Variants in KHDRBS2 observed in about 807,000 individuals in gnomAD.
KHDRBS2 encodes KH domain-containing, RNA-binding, signal transduction-associated protein 2.
A neutral mutation model predicts 44.3 loss-of-function variants in KHDRBS2; 26 were observed. That is an observed-to-expected ratio of 0.59 (90% CI 0.43 to 0.81). The LOEUF (loss-of-function observed/expected upper bound fraction) is 0.81, where lower values mean the gene tolerates loss of function less well. Ranked by LOEUF, KHDRBS2 falls within the 40% of genes least tolerant of loss-of-function variation. The pLI is 0.00. For synonymous variants in KHDRBS2, 194 were observed against 151.1 expected (o/e 1.28, Z -2.08); for missense variants, 476 against 433.1 (o/e 1.10, Z -0.88).
chr6:61,936,009 T>A (rs916505635), intron 4 of KHDRBS2, among the ~76,000 whole-genome samples: 2 of 152,088 alleles, frequency 1.3e-5, no homozygotes, highest in African/African-American at 4.8e-5. Context: ...TTCATGATTT[T>A]AAATTTTAAA....
At chr6:61,693,740 CAGTT>C (rs1767612385) in intron 8 of KHDRBS2, among the ~76,000 whole-genome samples, 1 of 152,052 alleles carries the variant, frequency 6.6e-6, no homozygotes. Flanking sequence ...TGCTTATGAG[CAGTT>C]AGTTCTCCTA....
chr6:62,282,014 A>G (rs1419768984), intron 1 of KHDRBS2, among the ~76,000 whole-genome samples: 1 of 152,218 alleles, frequency 6.6e-6, no homozygotes, highest in Non-Finnish European at 1.5e-5. Context: ...TGATTACGTT[A>G]ATCAAAAGAA....
chr6:61,893,819 A>G (rs1262595395), intron 6 of KHDRBS2, among the ~76,000 whole-genome samples: 1 of 152,162 alleles, frequency 6.6e-6, no homozygotes, highest in African/African-American at 2.4e-5. Context: ...TAATGGGTGC[A>G]GCACACCAAC....
At chr6:62,166,493 T>C (rs1156998385) in intron 2 of KHDRBS2, among the ~76,000 whole-genome samples, 1 of 152,080 alleles carries the variant, frequency 6.6e-6, no homozygotes, top group Non-Finnish European at 1.5e-5. Flanking sequence ...TAAAAGTTAC[T>C]CCTAATTTCT....
chr6:61,865,549 G>T (rs181408470), intron 6 of KHDRBS2, among the ~76,000 whole-genome samples: 2 of 151,008 alleles, frequency 1.3e-5, no homozygotes, highest in East Asian at 2.0e-4. Context: ...CTTCCCACTG[G>T]GTTCTTCCCA....
At chr6:62,165,046 T>C (rs969558522) in intron 2 of KHDRBS2, among the ~76,000 whole-genome samples, 1 of 151,874 alleles carries the variant, frequency 6.6e-6, no homozygotes, top group Non-Finnish European at 1.5e-5. Context: ...CAAATATTCA[T>C]ATACATTTAG....
intron 3 of KHDRBS2, among the ~76,000 whole-genome samples, chr6:62,022,014 T>TAC (rs1479012664): frequency 1.3e-4 from 20 of 148,684 alleles, no homozygotes; most frequent in African/African-American, 2.5e-4. Flanking sequence ...TATATATATA[T>TAC]ACACACACAC....
At chr6:61,928,929 AT>A (rs1809485756) in intron 4 of KHDRBS2, among the ~76,000 whole-genome samples, 1 of 152,026 alleles carries the variant, frequency 6.6e-6, no homozygotes, top group African/African-American at 2.4e-5. Flanking sequence ...TGTTATCATT[AT>A]TTTTTAAGAC....
chr6:62,019,251 C>T (rs1441278440), intron 3 of KHDRBS2, among the ~76,000 whole-genome samples: 1 of 151,954 alleles, frequency 6.6e-6, no homozygotes, highest in Non-Finnish European at 1.5e-5. Context: ...ATGTTAACTG[C>T]AGGTTTTGCA....
At chr6:61,718,151 T>A (rs1351233194) in intron 7 of KHDRBS2, among the ~76,000 whole-genome samples, 1 of 152,000 alleles carries the variant, frequency 6.6e-6, no homozygotes, top group Non-Finnish European at 1.5e-5. Context: ...ACAAAATGAT[T>A]GTTAGCTATT....
chr6:61,788,543 GA>G, intron 6 of KHDRBS2, among the ~76,000 whole-genome samples: 1 of 151,244 alleles, frequency 6.6e-6, no homozygotes, highest in Non-Finnish European at 1.5e-5. Flanking sequence ...TTTGGTTTTT[GA>G]AAAAGAGTTT....
rs186667096 is a variant in KHDRBS2, at chr6:62,160,392, G to C, written c.219+16793C>G. Among the ~76,000 whole-genome samples, 98 of 152,206 alleles carry C rather than the reference G, an allele frequency of 6.4e-4. 1 individual carries two copies. In the East Asian group the frequency reaches 0.016, roughly 25 times the overall value. On this transcript the variant is annotated intron_variant, in intron 2 of 8. Coordinates refer to ENST00000281156, the MANE Select transcript of KHDRBS2 (RefSeq NM_152688.4). ...TATCCAAAGAGTGGCTTTACATGAG[G>C]TAGGTCATTTTGTAAATATATGAGG...
chr6:62,145,003 C>T (rs1050445247), intron 2 of KHDRBS2, among the ~76,000 whole-genome samples: 33 of 152,078 alleles, frequency 2.2e-4, no homozygotes, highest in Middle Eastern at 3.4e-3. Flanking sequence ...ACTGCTGGTT[C>T]CCTTTCAATT....
the KHDRBS2 span, among the ~76,000 whole-genome samples, chr6:61,608,601 C>A: frequency 3.0e-4 from 46 of 151,916 alleles, no homozygotes; most frequent in African/African-American, 1.0e-3. Context: ...CCCCCACCCC[C>A]CAACAGGCCC....
intron 6 of KHDRBS2, among the ~76,000 whole-genome samples, chr6:61,780,974 G>A (rs1782842066): frequency 6.6e-6 from 1 of 152,008 alleles, no homozygotes; most frequent in Admixed American, 6.6e-5. Context: ...AGTTTAATTT[G>A]TTATAAAAGA....
intron 1 of KHDRBS2, among the ~76,000 whole-genome samples, chr6:62,226,884 T>C (rs73487027): frequency 0.035 from 5,387 of 152,256 alleles, 316 homozygotes; most frequent in African/African-American, 0.12. Flanking sequence ...TTGGTCTGTA[T>C]GTCAGTTTTG....
chr6:62,045,159 G>A (rs1162857022), intron 3 of KHDRBS2, among the ~76,000 whole-genome samples: 1 of 151,942 alleles, frequency 6.6e-6, no homozygotes, highest in Non-Finnish European at 1.5e-5. Flanking sequence ...ACTGAGGAGG[G>A]GAACAATAAA....
the KHDRBS2 span, among the ~76,000 whole-genome samples, chr6:61,599,489 C>A: frequency 6.6e-6 from 1 of 152,068 alleles, no homozygotes; most frequent in African/African-American, 2.4e-5. Context: ...CTCAAAAATT[C>A]ACTCCAAGAA....
At chr6:61,631,335 A>AAAAAAAAG in the KHDRBS2 span, among the ~76,000 whole-genome samples, 24 of 104,736 alleles carry the variant, frequency 2.3e-4, 3 homozygotes, top group South Asian at 3.4e-4. Context: ...AAAAAAAAAA[A>AAAAAAAAG]AAGACAATAC....
Sources: gnomAD v4.1 joint callset for allele counts (sites outside exome capture counted in the v4.1 genomes callset) on GRCh38, gnomAD v4.1.1 for gene constraint, MANE v1.5 for transcripts, NCBI Gene and HGNC (gene_info 2026-07-23, HGNC 2026-07-21) for gene names.